The following GPR39 variants were observed in gnomAD, a reference collection of about 807,000 sequenced individuals.
GPR39 encodes zinc sensing receptor.
GPR39 carries 23 observed loss-of-function variants against 18.4 expected under a neutral mutation model. The ratio of observed to expected loss-of-function variants is 1.25; its 90% CI spans 0.90 to 1.77. The LOEUF is 1.77. Ranked by LOEUF, GPR39 falls within the 40% of genes most tolerant of loss-of-function variation. The pLI is 0.00. For synonymous variants in GPR39, 280 were observed against 257.9 expected, an observed-to-expected ratio of 1.09 and a Z score of -0.82; for missense variants, 647 against 602.4, an observed-to-expected ratio of 1.07 and a Z score of -0.78.
intron 1 of GPR39, among the ~76,000 whole-genome samples, chr2:132,598,467 T>TTTGTTG (rs61704849): frequency 2.9e-5 from 4 of 137,254 alleles, no homozygotes; most frequent in Non-Finnish European, 4.6e-5. Context: ...AATGGGGTTT[T>TTTGTTG]TTGTTGTTGT....
intron 1 of GPR39, among the ~76,000 whole-genome samples, chr2:132,464,198 G>A (rs1048619301): frequency 9.2e-5 from 14 of 152,168 alleles, no homozygotes; most frequent in African/African-American, 3.4e-4. Flanking sequence ...CATGACGAAC[G>A]ACATGCCCAA....
chr2:132,440,419 C>G (rs1169078260), intron 1 of GPR39, among the ~76,000 whole-genome samples: 1 of 152,154 alleles, frequency 6.6e-6, no homozygotes, highest in Non-Finnish European at 1.5e-5. Context: ...TCCCAGTTCC[C>G]TTTTTGCTCC....
chr2:132,557,988 T>C (rs1307597096), intron 1 of GPR39, among the ~76,000 whole-genome samples: 1 of 133,512 alleles, frequency 7.5e-6, no homozygotes, highest in Admixed American at 7.7e-5. Context: ...GTGGTGGTGG[T>C]GGTGGGGTGG....
intron 1 of GPR39, among the ~76,000 whole-genome samples, chr2:132,498,031 G>C (rs1000516869): frequency 1.3e-5 from 2 of 152,036 alleles, no homozygotes; most frequent in Non-Finnish European, 2.9e-5. Context: ...CGACAATATG[G>C]GGCTTGACAA....
At chr2:132,636,845 C>T (rs1681764411) in intron 1 of GPR39, among the ~76,000 whole-genome samples, 1 of 152,202 alleles carries the variant, frequency 6.6e-6, no homozygotes, top group Non-Finnish European at 1.5e-5. Flanking sequence ...GCCCCAGCTG[C>T]AAGCTTCTTC....
At chr2:132,616,740 G>C (rs534685959) in intron 1 of GPR39, among the ~76,000 whole-genome samples, 2 of 152,312 alleles carry the variant, frequency 1.3e-5, no homozygotes, top group Admixed American at 6.5e-5. Context: ...TTTGTGCAGT[G>C]TTTTAATGGA....
chr2:132,559,951 G>A (rs530932852), intron 1 of GPR39, among the ~76,000 whole-genome samples: 1 of 152,236 alleles, frequency 6.6e-6, no homozygotes, highest in African/African-American at 2.4e-5. Context: ...AGTAAAAATG[G>A]GGGCTGGGTG....
At chr2:132,465,257 A>C (rs927263598) in intron 1 of GPR39, among the ~76,000 whole-genome samples, 2 of 150,666 alleles carry the variant, frequency 1.3e-5, no homozygotes, top group Non-Finnish European at 3.0e-5. Flanking sequence ...ATCTGTAAGG[A>C]TAGATTACCA....
At chr2:132,577,614 T>A (rs1359784482) in intron 1 of GPR39, among the ~76,000 whole-genome samples, 2 of 152,228 alleles carry the variant, frequency 1.3e-5, no homozygotes, top group Non-Finnish European at 2.9e-5. Context: ...TTGTTGGATT[T>A]ATATATAAAT....
intron 1 of GPR39, among the ~76,000 whole-genome samples, chr2:132,566,297 A>ATTAG (rs1275546729): frequency 6.8e-6 from 1 of 147,180 alleles, no homozygotes; most frequent in African/African-American, 2.5e-5. Flanking sequence ...GATTCTGGAT[A>ATTAG]TTAGCCCTTT....
At chr2:132,588,163 A>C (rs1299145828) in intron 1 of GPR39, among the ~76,000 whole-genome samples, 2 of 152,114 alleles carry the variant, frequency 1.3e-5, no homozygotes, top group African/African-American at 4.8e-5. Context: ...CCTGGAGTTA[A>C]AAAAGGCAGG....
At chr2:132,614,189 T>TTTTTG (rs1238637998) in intron 1 of GPR39, among the ~76,000 whole-genome samples, 9 of 147,926 alleles carry the variant, frequency 6.1e-5, no homozygotes, top group African/African-American at 1.5e-4. Context: ...TTTTTTTTTG[T>TTTTTG]TTTTGTTTTG....
chr2:132,600,576 A>G (rs1017149012), intron 1 of GPR39, among the ~76,000 whole-genome samples: 2 of 152,178 alleles, frequency 1.3e-5, no homozygotes, highest in African/African-American at 2.4e-5. Context: ...ACTATTATGA[A>G]CAACTACATG....
At chr2:132,517,618 T>G (rs1573642205) in intron 1 of GPR39, among the ~76,000 whole-genome samples, 1 of 152,200 alleles carries the variant, frequency 6.6e-6, no homozygotes, top group East Asian at 1.9e-4. Flanking sequence ...AGGAACTGCT[T>G]AGATATGGTT....
rs1682023949 is a variant in GPR39, at chr2:132,645,596, A to AT, written c.1353dup (p.Glu452Ter). On this transcript the variant is annotated frameshift_variant, in exon 2 of 2. Transcript: ENST00000329321. LOFTEE classifies it high-confidence loss of function. Reference sequence around the variant, plus strand: ...GCTGCAGAGAATGGTTTTCAGGAGCATGAAGTTTGAATGTCAAGCGAGGGA... The same window carrying AT: ...GCTGCAGAGAATGGTTTTCAGGAGCATTGAAGTTTGAATGTCAAGCGAGGGA... 1 of 1,610,654 alleles carries AT rather than the reference A, an allele frequency of 6.2e-7. No homozygotes were observed. Among genetic ancestry groups the AT allele is most frequent in the Non-Finnish European group, 8.5e-7 (1 of 1,178,556 alleles).
At chr2:132,644,006 C>A (rs909308059) in intron 1 of GPR39, among the ~76,000 whole-genome samples, 1 of 152,192 alleles carries the variant, frequency 6.6e-6, no homozygotes, top group Admixed American at 6.5e-5. Flanking sequence ...AAGGTAGCAG[C>A]TCTCTACAGG....
intron 1 of GPR39, among the ~76,000 whole-genome samples, chr2:132,533,999 A>G (rs1351582854): frequency 6.6e-6 from 1 of 152,222 alleles, no homozygotes; most frequent in East Asian, 1.9e-4. Flanking sequence ...GATGGGATCT[A>G]ATTAAACTAA....
intron 1 of GPR39, among the ~76,000 whole-genome samples, chr2:132,506,008 A>G (rs1002544837): frequency 6.6e-6 from 1 of 152,174 alleles, no homozygotes; most frequent in Admixed American, 6.5e-5. Context: ...ACTAATTTAC[A>G]TTCCTAGCAA....
At chr2:132,600,507 C>T (rs1370818696) in intron 1 of GPR39, among the ~76,000 whole-genome samples, 1 of 151,694 alleles carries the variant, frequency 6.6e-6, no homozygotes, top group Non-Finnish European at 1.5e-5. Context: ...GGACTCAAAC[C>T]AGAAATGAAA....
Sources: allele counts gnomAD v4.1 joint callset (sites outside exome capture counted in the v4.1 genomes callset), GRCh38; gene constraint gnomAD v4.1.1; transcripts MANE v1.5; gene names NCBI Gene and HGNC (gene_info 2026-07-23, HGNC 2026-07-21).